The following MRTFB variants were observed in gnomAD, a reference collection of about 807,000 sequenced individuals.
MRTFB encodes myocardin-related transcription factor B.
MRTFB carries 29 observed loss-of-function variants against 104.2 expected under a neutral mutation model. That is an observed-to-expected ratio of 0.28 (90% CI 0.21 to 0.38). MRTFB has a LOEUF of 0.38. Ranked by LOEUF, MRTFB falls within the 10% of genes least tolerant of loss-of-function variation. The probability of loss-of-function intolerance (pLI) is 1.00; values close to 1 mark genes in which losing one functional copy is unlikely to be tolerated. For synonymous variants in MRTFB, 535 were observed against 519.5 expected (o/e 1.03, Z -0.41); for missense variants, 1,270 against 1,341.6 (o/e 0.95, Z 0.83).
chr16:14,159,736 C>T lies in MRTFB; in HGVS notation c.154+18976C>T, dbSNP rs573103512. On this transcript the variant is annotated intron_variant, in intron 3 of 16. Coordinates refer to ENST00000571589, the MANE Select transcript of MRTFB (RefSeq NM_001308142.2). Reference sequence around the variant, plus strand: ...CGAGGTCAGGAGATCGAGACCATCCCGGCTAAAACGGTGAAACCCCGTCTC... The same window carrying T: ...CGAGGTCAGGAGATCGAGACCATCCTGGCTAAAACGGTGAAACCCCGTCTC... 6.1e-4 allele frequency among the ~76,000 whole-genome samples: 93 copies of T among 151,400 alleles called. 1 individual carries two copies. Among genetic ancestry groups the T allele is most frequent in the African/African-American group, 2.0e-3 (83 of 41,260 alleles).
upstream of MRTFB, among the ~76,000 whole-genome samples, chr16:14,068,371 G>A (rs981745635): frequency 6.6e-6 from 1 of 152,114 alleles, no homozygotes; most frequent in Admixed American, 6.5e-5. Context: ...CTGGCCACCC[G>A]GAGGAGAACA....
At chr16:14,203,666 G>GTACAA (rs1363960243) in intron 3 of MRTFB, among the ~76,000 whole-genome samples, 1 of 151,828 alleles carries the variant, frequency 6.6e-6, no homozygotes, top group Non-Finnish European at 1.5e-5. Flanking sequence ...AGCCGGGCAT[G>GTACAA]GTGGTACACA....
chr16:14,189,780 T>C (rs906722056), intron 3 of MRTFB, among the ~76,000 whole-genome samples: 4 of 152,230 alleles, frequency 2.6e-5, no homozygotes, highest in African/African-American at 9.6e-5. Context: ...GCTCTATATG[T>C]CTGATACGTG....
chr16:14,258,505 A>G (rs2043616622), intron 16 of MRTFB, among the ~76,000 whole-genome samples: 1 of 152,186 alleles, frequency 6.6e-6, no homozygotes, highest in African/African-American at 2.4e-5. Context: ...TGAGGTAGGA[A>G]GATTGCTTGA....
chr16:14,089,108 G>T (rs1012628188), intron 2 of MRTFB, among the ~76,000 whole-genome samples: 2 of 152,174 alleles, frequency 1.3e-5, no homozygotes, highest in Non-Finnish European at 2.9e-5. Flanking sequence ...CTGCACGGAG[G>T]TGTTGCTATA....
chr16:14,105,557 C>G (rs1186466713), intron 2 of MRTFB, among the ~76,000 whole-genome samples: 1 of 152,000 alleles, frequency 6.6e-6, no homozygotes, highest in African/African-American at 2.4e-5. Flanking sequence ...GCTACCGTAC[C>G]CAGCTAATTT....
chr16:14,100,938 T>C (rs1490027775), intron 2 of MRTFB, among the ~76,000 whole-genome samples: 1 of 152,160 alleles, frequency 6.6e-6, no homozygotes, highest in African/African-American at 2.4e-5. Flanking sequence ...AATCTGTGTC[T>C]TCTCTCTTTT....
At chr16:14,187,553 T>C (rs2040002327) in intron 3 of MRTFB, among the ~76,000 whole-genome samples, 1 of 152,260 alleles carries the variant, frequency 6.6e-6, no homozygotes, top group African/African-American at 2.4e-5. Context: ...TTTTTTGTTT[T>C]AAAAAGCACA....
At chr16:14,129,983 C>A (rs906956252) in intron 2 of MRTFB, among the ~76,000 whole-genome samples, 2 of 152,146 alleles carry the variant, frequency 1.3e-5, no homozygotes, top group African/African-American at 4.8e-5. Flanking sequence ...CTCGTGCCAC[C>A]ATGGCCAGCT....
chr16:14,252,043 G>T lies in MRTFB; in HGVS notation c.2565+20G>T. 1 of 1,612,228 alleles carries T rather than the reference G, an allele frequency of 6.2e-7. No homozygotes were observed. Among genetic ancestry groups the T allele is most frequent in the Non-Finnish European group, 8.5e-7 (1 of 1,178,964 alleles). On this transcript the variant is annotated intron_variant, in intron 14 of 16. Transcript: ENST00000571589. Reference sequence around the variant, plus strand: ...AACAAGGTAACCCTGTGAGGCTTGTGTGTCAGTGACAGTGCCGCAGGGGCA... The same window carrying T: ...AACAAGGTAACCCTGTGAGGCTTGTTTGTCAGTGACAGTGCCGCAGGGGCA...
At chr16:14,218,742 CA>C in intron 7 of MRTFB, 77 bp from the exon 8 acceptor site, 1 of 1,383,334 alleles carries the variant, frequency 7.2e-7, no homozygotes, top group Non-Finnish European at 9.7e-7. Flanking sequence ...TCATAGGAAA[CA>C]ATGTTTTCCT....
At chr16:14,129,909 AC>A (rs2037352774) in intron 2 of MRTFB, among the ~76,000 whole-genome samples, 1 of 151,786 alleles carries the variant, frequency 6.6e-6, no homozygotes, top group Non-Finnish European at 1.5e-5. Context: ...CCTCACTGCA[AC>A]CTCTGCCTCC....
At chr16:14,061,832 G>A in the MRTFB span, among the ~76,000 whole-genome samples, 1 of 152,070 alleles carries the variant, frequency 6.6e-6, no homozygotes, top group East Asian at 1.9e-4. Context: ...GGTGGGGAGG[G>A]AATAGATTTT....
intron 2 of MRTFB, among the ~76,000 whole-genome samples, chr16:14,129,560 G>A (rs142352881): frequency 9.9e-5 from 15 of 152,238 alleles, no homozygotes; most frequent in East Asian, 7.7e-4. Flanking sequence ...TGGTAGATAC[G>A]TAGGAGTGGG....
intron 10 of MRTFB, chr16:14,240,808 C>A: frequency 1.4e-6 from 1 of 733,004 alleles, no homozygotes; most frequent in Non-Finnish European, 2.5e-6. Flanking sequence ...TAGTATAATA[C>A]CTGGCATAAA....
At chr16:14,246,179 A>G (rs922731608) in intron 11 of MRTFB, among the ~76,000 whole-genome samples, 6 of 152,206 alleles carry the variant, frequency 3.9e-5, no homozygotes, top group Admixed American at 1.3e-4. Flanking sequence ...GCACAAGGCA[A>G]CTACTCAATA....
chr16:14,105,531 G>A (rs2035929525), intron 2 of MRTFB, among the ~76,000 whole-genome samples: 2 of 151,876 alleles, frequency 1.3e-5, no homozygotes, highest in South Asian at 4.2e-4. Context: ...CCGAGTAGCT[G>A]GAACTATAGG....
rs1284566422 is a variant in MRTFB, at chr16:14,246,806, A to C, written c.1546A>C (p.Ser516Arg). The change falls in exon 12 of 17, where the codon AGT becomes CGT. Residue 516 changes from serine (S) to arginine (R), a missense_variant. Ser to Arg is a moderately radical substitution (Grantham distance 110). Transcript: ENST00000571589. Reference protein sequence around the residue: ...SPSPSEQSSLSTDDTNMADTF... With the variant: ...SPSPSEQSSLRTDDTNMADTF... ...ATCTCCCTCCGAACAGTCCAGTCTC[A>C]GTACTGATGACACAAACATGGCAGA... 3.1e-6 allele frequency: 5 copies of C among 1,613,348 alleles called. No homozygotes were observed. Among genetic ancestry groups the C allele is most frequent in the Non-Finnish European group, 4.2e-6 (5 of 1,180,042 alleles).
rs199794684 is a variant in MRTFB at position 14,236,025 on chromosome 16, C to CA, written c.831+1749dup. Among the ~76,000 whole-genome samples the CA allele has an allele frequency of 3.0e-4, 45 of 152,058 alleles. No homozygotes were observed. The East Asian group carries it at 8.7e-3, about 29-fold the overall frequency. On this transcript the variant is annotated intron_variant, in intron 9 of 16. Coordinates refer to ENST00000571589, the MANE Select transcript of MRTFB (RefSeq NM_001308142.2). ...CAAAACCCCATCTCTATAAAGTGTACAAAAAAATTAGTTGGGCATGGTGGC... is the reference window on the plus strand; with the variant it reads ...CAAAACCCCATCTCTATAAAGTGTACAAAAAAAATTAGTTGGGCATGGTGGC...
Sources: allele counts gnomAD v4.1 joint callset (sites outside exome capture counted in the v4.1 genomes callset), GRCh38; gene constraint gnomAD v4.1.1; transcripts MANE v1.5; gene names NCBI Gene and HGNC (gene_info 2026-07-23, HGNC 2026-07-21).